Variants in NEDD4L observed in about 807,000 individuals in gnomAD.
NEDD4L encodes NEDD4 like E3 ubiquitin protein ligase.
A neutral mutation model predicts 148.9 loss-of-function variants in NEDD4L; 54 were observed. The ratio of observed to expected loss-of-function variants is 0.36; its 90% CI spans 0.29 to 0.45. The LOEUF is 0.45. NEDD4L is among the 20% of genes least tolerant of loss of function. The pLI is 1.00. For missense variants in NEDD4L, 856 were observed against 1,233.8 expected, an observed-to-expected ratio of 0.69 and a Z score of 4.59; for synonymous variants, 433 against 440.7, an observed-to-expected ratio of 0.98 and a Z score of 0.22.
chr18:58,225,553 A>G (rs1164983242), intron 2 of NEDD4L, among the ~76,000 whole-genome samples: 1 of 152,192 alleles, frequency 6.6e-6, no homozygotes, highest in Non-Finnish European at 1.5e-5. Flanking sequence ...GCAAGGTAAA[A>G]TACAGCTTGC....
chr18:58,366,241 C>T lies in NEDD4L; in HGVS notation c.2063+13C>T, dbSNP rs377469481. 3 of 1,529,602 alleles carry T rather than the reference C, an allele frequency of 2.0e-6. No individual in the cohort carries two copies. Among genetic ancestry groups the T allele is most frequent in the East Asian group, 2.3e-5 (1 of 44,064 alleles). The allele number at this position is 1,529,602 out of a possible 1,614,324, so 94.8% of individuals were successfully genotyped here. On this transcript the variant is annotated intron_variant, in intron 21 of 30. Coordinates refer to ENST00000400345, the MANE Select transcript of NEDD4L (RefSeq NM_001144967.3). The surrounding 1 kb of genome is among the most constrained non-coding windows in gnomAD (Gnocchi z 4.2). ...AGTACTCTGCCACGTAAGTATATGG[C>T]CACACCCAGTGTGTGTCCCCCACTG...
chr18:58,356,505 C>A (rs2044683697), intron 18 of NEDD4L, among the ~76,000 whole-genome samples: 1 of 152,172 alleles, frequency 6.6e-6, no homozygotes, highest in South Asian at 2.1e-4. Context: ...TGTGTATTAT[C>A]ACCTACACAA....
chr18:58,190,788 A>G (rs2040019938), intron 2 of NEDD4L, among the ~76,000 whole-genome samples: 2 of 152,290 alleles, frequency 1.3e-5, no homozygotes, highest in South Asian at 2.1e-4. Context: ...TTTTACCTCC[A>G]TTATTTAAAT....
At chr18:58,316,126 A>G in intron 6 of NEDD4L, 94 bp downstream of exon 6, 20 of 1,023,304 alleles carry the variant, frequency 2.0e-5, no homozygotes, top group Non-Finnish European at 2.9e-5. Flanking sequence ...TTTCTTCACC[A>G]CGGTGAAGAA....
chr18:58,350,553 C>A (rs2043747321), intron 17 of NEDD4L, among the ~76,000 whole-genome samples: 1 of 152,196 alleles, frequency 6.6e-6, no homozygotes, highest in Admixed American at 6.5e-5. Flanking sequence ...AGCAAAAGTT[C>A]ATGGTGGATA....
At chr18:58,176,829 T>C (rs112250618) in intron 2 of NEDD4L, among the ~76,000 whole-genome samples, 38 of 152,234 alleles carry the variant, frequency 2.5e-4, no homozygotes, top group Middle Eastern at 3.2e-3. Context: ...TTCTTCAGTC[T>C]AGAATGATGC....
At chr18:58,191,751 G>C (rs2040145100) in intron 2 of NEDD4L, among the ~76,000 whole-genome samples, 3 of 152,190 alleles carry the variant, frequency 2.0e-5, no homozygotes, top group Non-Finnish European at 2.9e-5. Flanking sequence ...AGTTATACCT[G>C]GTGGGCAGTG....
At chr18:58,127,840 CAAAAAAAAAA>C (rs113559692) in intron 1 of NEDD4L, among the ~76,000 whole-genome samples, 46,444 of 114,374 alleles carry the variant, frequency 0.41, 7,952 homozygotes, top group African/African-American at 0.42. Context: ...GACTCCGTCT[CAAAAAAAAAA>C]AAAAAAAAAG....
At chr18:58,270,481 G>A (rs1264086390) in intron 5 of NEDD4L, among the ~76,000 whole-genome samples, 1 of 152,166 alleles carries the variant, frequency 6.6e-6, no homozygotes, top group Admixed American at 6.5e-5. Context: ...TCACACTGTT[G>A]TATTGCTGTC....
chr18:58,080,115 G>A (rs576361101), intron 1 of NEDD4L, among the ~76,000 whole-genome samples: 6 of 152,110 alleles, frequency 3.9e-5, no homozygotes, highest in South Asian at 4.2e-4. Context: ...TGTAGAGACC[G>A]GGTCTCACTG....
intron 1 of NEDD4L, among the ~76,000 whole-genome samples, chr18:58,061,568 A>G (rs1339780900): frequency 6.6e-6 from 1 of 151,448 alleles, no homozygotes; most frequent in Non-Finnish European, 1.5e-5. Flanking sequence ...TGTGCATAGG[A>G]TCGATTTTTT....
intron 5 of NEDD4L, among the ~76,000 whole-genome samples, chr18:58,275,895 T>C (rs1308859483): frequency 6.6e-6 from 1 of 152,092 alleles, no homozygotes; most frequent in Non-Finnish European, 1.5e-5. Flanking sequence ...AGGGGGAGCA[T>C]TGAAGGTAGG....
intron 6 of NEDD4L, among the ~76,000 whole-genome samples, chr18:58,320,548 T>A (rs1159636415): frequency 5.9e-5 from 9 of 152,228 alleles, no homozygotes; most frequent in African/African-American, 2.2e-4. Context: ...GCATGGTGGC[T>A]TATACCTGTA....
intron 5 of NEDD4L, among the ~76,000 whole-genome samples, chr18:58,276,889 C>T (rs997214808): frequency 1.2e-4 from 18 of 152,060 alleles, no homozygotes; most frequent in Non-Finnish European, 2.1e-4. Flanking sequence ...TCCCTGGTTA[C>T]GAGCCTTGAT....
chr18:58,262,631 GAA>G (rs11296007), intron 5 of NEDD4L, among the ~76,000 whole-genome samples: 24,896 of 138,606 alleles, frequency 0.18, 2,367 homozygotes, highest in Non-Finnish European at 0.21. Context: ...TCTGTCTCAG[GAA>G]AAAAAAAAAA....
intron 24 of NEDD4L, among the ~76,000 whole-genome samples, chr18:58,379,697 G>C (rs751366471): frequency 2.0e-5 from 3 of 152,178 alleles, no homozygotes; most frequent in Non-Finnish European, 4.4e-5. Context: ...GCAGGAGACG[G>C]TGTCACGATC....
intron 27 of NEDD4L, 23 bp from the exon 28 acceptor site, chr18:58,389,062 C>T (rs941764015): frequency 1.8e-5 from 29 of 1,593,890 alleles, no homozygotes; most frequent in East Asian, 1.1e-4. Context: ...CCTGCTTTTA[C>T]ATCTGGTAAA....
intron 1 of NEDD4L, among the ~76,000 whole-genome samples, chr18:58,073,804 C>A (rs1243763835): frequency 6.6e-6 from 1 of 152,076 alleles, no homozygotes; most frequent in East Asian, 1.9e-4. Context: ...TTTGGAGACA[C>A]ATTAAAATCA....
chr18:58,107,241 C>T (rs1218215612), intron 1 of NEDD4L, among the ~76,000 whole-genome samples: 1 of 152,104 alleles, frequency 6.6e-6, no homozygotes, highest in Non-Finnish European at 1.5e-5. Context: ...CTCCGAGGTA[C>T]TGGGGATTAG....
Sources: gnomAD v4.1 joint callset for allele counts (sites outside exome capture counted in the v4.1 genomes callset) on GRCh38, gnomAD v4.1.1 for gene constraint, Gnocchi (gnomAD v3.1) non-coding constraint, MANE v1.5 for transcripts, NCBI Gene and HGNC (gene_info 2026-07-23, HGNC 2026-07-21) for gene names.